IMPG1: variants seen among roughly 807,000 people sequenced by gnomAD.
IMPG1 encodes interphotoreceptor matrix proteoglycan of 150 kDa.
In IMPG1, 85 loss-of-function variants were observed where a neutral mutation model predicts 92.0. That is an observed-to-expected ratio of 0.92 (90% CI 0.78 to 1.11). The LOEUF (loss-of-function observed/expected upper bound fraction) is 1.11. Ranked by LOEUF, IMPG1 falls within the 50% of genes least tolerant of loss-of-function variation. The probability of loss-of-function intolerance (pLI) is 0.00; values close to 1 mark genes in which losing one functional copy is unlikely to be tolerated. For missense variants in IMPG1, 1,022 were observed against 956.0 expected, an observed-to-expected ratio of 1.07 and a Z score of -0.91; for synonymous variants, 367 against 334.1, an observed-to-expected ratio of 1.10 and a Z score of -1.08.
chr6:76,017,309 A>T (rs193185690), intron 7 of IMPG1, among the ~76,000 whole-genome samples: 1 of 152,138 alleles, frequency 6.6e-6, no homozygotes, highest in Non-Finnish European at 1.5e-5. Flanking sequence ...TTAGAGACAG[A>T]CAGATATAAC....
At chr6:75,995,459 C>T (rs1225444770) in intron 12 of IMPG1, among the ~76,000 whole-genome samples, 2 of 152,128 alleles carry the variant, frequency 1.3e-5, no homozygotes, top group Non-Finnish European at 2.9e-5. Context: ...TTCAATGTGC[C>T]ACACCACTGC....
chr6:75,924,488 TA>T (rs370191136), intron 15 of IMPG1, among the ~76,000 whole-genome samples: 1 of 86,846 alleles, frequency 1.2e-5, no homozygotes, highest in Non-Finnish European at 2.2e-5. Context: ...TATATTATAA[TA>T]TAATATAATT....
At chr6:76,052,829 A>T (rs1225501625) in intron 1 of IMPG1, among the ~76,000 whole-genome samples, 1 of 152,204 alleles carries the variant, frequency 6.6e-6, no homozygotes, top group Non-Finnish European at 1.5e-5. Context: ...ATAGAGTTGG[A>T]TTAATGCTGA....
chr6:75,926,416 C>T (rs1407774198), intron 15 of IMPG1, among the ~76,000 whole-genome samples: 1 of 152,200 alleles, frequency 6.6e-6, no homozygotes, highest in Non-Finnish European at 1.5e-5. Flanking sequence ...CTCCTTTTCT[C>T]CATTTGAGGT....
chr6:75,991,025 C>T (rs1215780929), intron 12 of IMPG1, among the ~76,000 whole-genome samples: 1 of 152,196 alleles, frequency 6.6e-6, no homozygotes, highest in African/African-American at 2.4e-5. Flanking sequence ...ATTTCTTCCT[C>T]ATAGTCTCAC....
chr6:76,051,063 G>C (rs1399007573), intron 1 of IMPG1, among the ~76,000 whole-genome samples: 4 of 152,036 alleles, frequency 2.6e-5, no homozygotes, highest in Non-Finnish European at 4.4e-5. Flanking sequence ...GAACTCTATA[G>C]AGAGTAAGTA....
intron 1 of IMPG1, among the ~76,000 whole-genome samples, chr6:76,064,377 T>C (rs1415764138): frequency 3.3e-5 from 5 of 151,482 alleles, no homozygotes; most frequent in Non-Finnish European, 5.9e-5. Context: ...TTTCTTTTTT[T>C]TTTTTTTTTA....
At chr6:75,937,653 G>C (rs1358192610) in intron 14 of IMPG1, among the ~76,000 whole-genome samples, 1 of 152,122 alleles carries the variant, frequency 6.6e-6, no homozygotes, top group Non-Finnish European at 1.5e-5. Context: ...ATTGACATTA[G>C]TTAATAGTAA....
At chr6:76,013,003 C>A (rs1429679725) in intron 7 of IMPG1, among the ~76,000 whole-genome samples, 6 of 151,900 alleles carry the variant, frequency 3.9e-5, no homozygotes, top group African/African-American at 1.5e-4. Context: ...TTTGTTTTCA[C>A]CATGTTCTCA....
At chr6:76,053,176 T>C (rs1008024783) in intron 1 of IMPG1, among the ~76,000 whole-genome samples, 9 of 152,218 alleles carry the variant, frequency 5.9e-5, no homozygotes, top group Non-Finnish European at 1.3e-4. Context: ...AATGTGGAGT[T>C]TAAATAAGTA....
intron 15 of IMPG1, among the ~76,000 whole-genome samples, chr6:75,927,372 C>T (rs549669683): frequency 5.6e-4 from 85 of 152,198 alleles, no homozygotes; most frequent in African/African-American, 1.9e-3. Flanking sequence ...TAATTGTAAC[C>T]AGGGTCTAAT....
At chr6:76,069,745 C>A (rs1227776371) in intron 1 of IMPG1, among the ~76,000 whole-genome samples, 5 of 147,946 alleles carry the variant, frequency 3.4e-5, no homozygotes, top group African/African-American at 4.9e-5. Context: ...ATTGGTTGAT[C>A]AAAAAAAAAA....
chr6:75,962,460 A>T lies in IMPG1; in HGVS notation c.1292-11366T>A, dbSNP rs112578522. Reference sequence around the variant, plus strand: ...CAGCTTTATTAAGGCATAATTGACAAATAAAAGGTGTGTACCAAATTTCTT... The same window carrying T: ...CAGCTTTATTAAGGCATAATTGACATATAAAAGGTGTGTACCAAATTTCTT... On this transcript the variant is annotated intron_variant, in intron 12 of 16. Transcript: ENST00000369950. Among the ~76,000 whole-genome samples, 201 of 152,266 alleles carry T rather than the reference A, an allele frequency of 1.3e-3. 3 individuals carry two copies. Among genetic ancestry groups the T allele is most frequent in the African/African-American group, 3.1e-3 (130 of 41,542 alleles).
chr6:75,976,682 C>A (rs998409096), intron 12 of IMPG1, among the ~76,000 whole-genome samples: 5 of 152,094 alleles, frequency 3.3e-5, no homozygotes, highest in Admixed American at 3.3e-4. Flanking sequence ...GAGGCTGAGG[C>A]GGGCGGATCA....
chr6:76,066,564 A>C (rs1784313961), intron 1 of IMPG1, among the ~76,000 whole-genome samples: 1 of 152,102 alleles, frequency 6.6e-6, no homozygotes, highest in Non-Finnish European at 1.5e-5. Context: ...AACAAATTCT[A>C]CTAGACCTAA....
At chr6:75,965,663 AGT>A (rs1306358654) in intron 12 of IMPG1, among the ~76,000 whole-genome samples, 6 of 128,058 alleles carry the variant, frequency 4.7e-5, no homozygotes, top group South Asian at 2.4e-4. Context: ...GCTGGAGTGC[AGT>A]GTGGCCGGTC....
Position 75,921,981 on chromosome 6 carries a change from G to C in IMPG1, c.*108C>G, listed in dbSNP as rs1381793031. On this transcript the variant is annotated 3_prime_UTR_variant, in exon 17 of 17. Coordinates refer to ENST00000369950, the MANE Select transcript of IMPG1 (RefSeq NM_001563.4). Reference sequence around the variant, plus strand: ...TGTGTGCTGATTCTCAGTGTTGACTGTATGTCTGGATTTTGATGACCCATG... The same window carrying C: ...TGTGTGCTGATTCTCAGTGTTGACTCTATGTCTGGATTTTGATGACCCATG... 9.2e-6 allele frequency: 6 copies of C among 654,310 alleles called. No homozygotes were observed. Among genetic ancestry groups the C allele is most frequent in the African/African-American group, 7.3e-5 (4 of 54,970 alleles). 40.5% of individuals were successfully genotyped at this position (654,310 alleles called of 1,614,324 possible). A position where few individuals can be genotyped will look rare whatever the true frequency, so the allele number is the denominator to read the frequency against.
At chr6:75,987,811 A>AT (rs911567801) in intron 12 of IMPG1, among the ~76,000 whole-genome samples, 81 of 151,002 alleles carry the variant, frequency 5.4e-4, no homozygotes, top group African/African-American at 1.6e-3. Context: ...GGCCCGACTA[A>AT]TTTTTTTTTG....
At chr6:76,055,424 G>T (rs1270529070) in intron 1 of IMPG1, among the ~76,000 whole-genome samples, 1 of 151,826 alleles carries the variant, frequency 6.6e-6, no homozygotes, top group Non-Finnish European at 1.5e-5. Context: ...ATGGTAAAAT[G>T]ATATCATCAA....
Sources: allele counts gnomAD v4.1 joint callset (sites outside exome capture counted in the v4.1 genomes callset), GRCh38; gene constraint gnomAD v4.1.1; transcripts MANE v1.5; gene names NCBI Gene and HGNC (gene_info 2026-07-23, HGNC 2026-07-21).